The following ZNF66 variants were observed in gnomAD, a reference collection of about 807,000 sequenced individuals.
ZNF66 encodes the protein zinc finger protein 66, also known as putative zinc finger protein 66.
Under a neutral mutation model 35.2 loss-of-function variants are expected in ZNF66, and 32 were observed. That is an observed-to-expected ratio of 0.91 (90% CI 0.69 to 1.22). The LOEUF (loss-of-function observed/expected upper bound fraction) is 1.22, where lower values mean the gene tolerates loss of function less well. Ranked by LOEUF, ZNF66 falls within the 50% of genes most tolerant of loss-of-function variation. The pLI, the probability that ZNF66 is intolerant of heterozygous loss-of-function variation, is 0.00. For missense variants in ZNF66, 666 were observed against 543.1 expected (o/e 1.23, Z -2.25); for synonymous variants, 231 against 181.3 (o/e 1.27, Z -2.20).
intron 2 of ZNF66, 58 bp from the exon 3 acceptor site, chr19:20,793,725 C>G (rs1297084861): frequency 2.3e-5 from 15 of 638,538 alleles, no homozygotes; most frequent in Middle Eastern, 5.3e-4. Flanking sequence ...GAGCACATTA[C>G]TAGCTTGTAA....
intron 2 of ZNF66, 31 bp downstream of exon 2, chr19:20,792,669 T>C: frequency 1.8e-6 from 2 of 1,129,460 alleles, no homozygotes; most frequent in Non-Finnish European, 1.3e-6. Context: ...TAACTCATAA[T>C]ATACACAAAT....
intron 3 of ZNF66, among the ~76,000 whole-genome samples, chr19:20,805,126 T>TGTGTGAGA (rs752355466): frequency 3.4e-5 from 5 of 145,984 alleles, no homozygotes; most frequent in Non-Finnish European, 4.5e-5. Flanking sequence ...TGTGTGTGTG[T>TGTGTGAGA]GAGAGAGAGA....
chr19:20,806,872 C>G lies in ZNF66; in HGVS notation c.1272C>G (p.Pro424=), dbSNP rs558011260. 2 of 1,349,946 alleles carry G rather than the reference C, an allele frequency of 1.5e-6. No homozygotes were observed. Among genetic ancestry groups the G allele is most frequent in the South Asian group, 1.2e-5 (1 of 85,230 alleles). 83.6% of individuals were successfully genotyped at this position (1,349,946 alleles called of 1,614,324 possible). Residue 424 remains proline (P), a synonymous_variant, in exon 4 of 4, where the codon CCC becomes CCG. Transcript: ENST00000344519. The part of the protein sequence containing the change: ...KHKRIHTGEK[P]YKCEECGKAF... Reference sequence around the variant, plus strand: ...AGAGAATTCATACTGGAGAGAAACCCTACAAATGTGAAGAATGTGGCAAAG... The same window carrying G: ...AGAGAATTCATACTGGAGAGAAACCGTACAAATGTGAAGAATGTGGCAAAG...
rs375124761 is a variant in ZNF66 at position 20,808,475 on chromosome 19, G to A, written c.*1153G>A. On this transcript the variant is annotated 3_prime_UTR_variant, in exon 4 of 4. Transcript: ENST00000344519. ...GTAGGGGCAGACTGACACTTCACAC[G>A]GCTGGGTACTCCTCATATAAAACTT... Among the ~76,000 whole-genome samples, 4 of 152,122 alleles carry A rather than the reference G, an allele frequency of 2.6e-5. No homozygotes were observed.
chr19:20,799,423 T>C (rs1301211772), intron 3 of ZNF66: 1 of 152,078 alleles, frequency 6.6e-6, no homozygotes, highest in African/African-American at 2.4e-5. Flanking sequence ...TTTAAAATAA[T>C]GGCTGTGTCT....
At chr19:20,783,240 T>G (rs1255068971) in intron 1 of ZNF66, among the ~76,000 whole-genome samples, 1 of 152,112 alleles carries the variant, frequency 6.6e-6, no homozygotes, top group Admixed American at 6.6e-5. Context: ...TCTTTCTCTC[T>G]TCTCCTTTTT....
intron 3 of ZNF66, chr19:20,794,130 G>T: frequency 3.6e-6 from 2 of 557,794 alleles, no homozygotes; most frequent in South Asian, 1.9e-5. Flanking sequence ...CATTCACAGT[G>T]AGAGCCAAAG....
chr19:20,799,881 C>T (rs2144911276), intron 3 of ZNF66, among the ~76,000 whole-genome samples: 2 of 152,192 alleles, frequency 1.3e-5, no homozygotes, highest in East Asian at 3.9e-4. Context: ...TTTGTTGCCC[C>T]CTGAGCAAGA....
Position 20,806,670 on chromosome 19 carries a change from CTA to C in ZNF66, c.1071_1072del (p.Lys358ThrfsTer2). The C allele has an allele frequency of 1.3e-6, 2 of 1,510,314 alleles. No homozygotes were observed. The highest frequency in any genetic ancestry group is 1.8e-6 in the Non-Finnish European group (2 of 1,087,840). The allele number at this position is 1,510,314 out of a possible 1,614,324, so 93.6% of individuals were successfully genotyped here. A position where few individuals can be genotyped will look rare whatever the true frequency, so the allele number is the denominator to read the frequency against. ...GGCTTTAAGTACTCCTCTACCCTTA[CTA>C]AACATAAAATAATCCATACTGGAGA... On this transcript the variant is annotated frameshift_variant, in exon 4 of 4. Transcript: ENST00000344519. LOFTEE classifies it high-confidence loss of function.
chr19:20,794,520 G>A (rs11671855), intron 3 of ZNF66: 14,110 of 151,232 alleles, frequency 0.093, 670 homozygotes, highest in Middle Eastern at 0.11. Flanking sequence ...TATTGAGTCT[G>A]TAAATCACTT....
In ZNF66 at chr19:20,792,609, T is replaced by C; in HGVS notation, c.101T>C (p.Leu34Ser). 1 of 1,470,982 alleles carries C rather than the reference T, an allele frequency of 6.8e-7. No individual in the cohort carries two copies. Among genetic ancestry groups the C allele is most frequent in the Non-Finnish European group, 9.5e-7 (1 of 1,056,736 alleles). The allele number at this position is 1,470,982 out of a possible 1,614,324, so 91.1% of individuals were successfully genotyped here. A position where few individuals can be genotyped will look rare whatever the true frequency, so the allele number is the denominator to read the frequency against. ...CGGAATTTATATAGGGATGTGATGT[T>C]AGAGAACTACAGAAACCTGGTCTTT... ...AQRNLYRDVM[L>S]ENYRNLVFLG... is the part of the protein sequence containing the mutation. The change falls in exon 2 of 4, where the codon TTA (leucine) becomes TCA (serine). Residue 34 changes from leucine (L) to serine (S), a missense_variant. Coordinates refer to ENST00000344519, the MANE Select transcript of ZNF66 (RefSeq NM_001355197.2).
chr19:20,780,628 A>C (rs1250463386), intron 1 of ZNF66, among the ~76,000 whole-genome samples: 2 of 152,156 alleles, frequency 1.3e-5, no homozygotes, highest in Non-Finnish European at 2.9e-5. Flanking sequence ...ATGTTAGACA[A>C]TAAGTTGGTG....
chr19:20,776,364 A>G lies in ZNF66; in HGVS notation c.-84A>G. On this transcript the variant is annotated 5_prime_UTR_variant, in exon 1 of 4. Coordinates refer to ENST00000344519, the MANE Select transcript of ZNF66 (RefSeq NM_001355197.2). ...TCACTGCTCTCTGTCTTCTTCTCCT[A>G]GAGGCCCAGCCTCTGTGGCCCTGTG... is the stretch of plus-strand genomic sequence containing the variant. 2 of 1,508,522 alleles carry G rather than the reference A, an allele frequency of 1.3e-6. No individual in the cohort carries two copies. Among genetic ancestry groups the G allele is most frequent in the Non-Finnish European group, 1.8e-6 (2 of 1,086,562 alleles). 93.4% of individuals were successfully genotyped at this position (1,508,522 alleles called of 1,614,324 possible).
intron 1 of ZNF66, among the ~76,000 whole-genome samples, chr19:20,783,955 C>A (rs1412855652): frequency 2.6e-5 from 4 of 152,188 alleles, no homozygotes; most frequent in Non-Finnish European, 5.9e-5. Flanking sequence ...CTCCCAGATT[C>A]AAGTGATTCT....
In ZNF66 at chr19:20,809,663, A is replaced by G. The variant is rs1971568919; in HGVS notation, c.*2341A>G. On this transcript the variant is annotated 3_prime_UTR_variant, in exon 4 of 4. Coordinates refer to ENST00000344519, the MANE Select transcript of ZNF66 (RefSeq NM_001355197.2). ...TTTGTCACCACCAGGCCTGCCCTAA[A>G]AGAGCTCCTGAAGGAAGCACTAAAC... 2.6e-5 allele frequency among the ~76,000 whole-genome samples: 4 copies of G among 152,098 alleles called. No individual in the cohort carries two copies. The highest frequency in any genetic ancestry group is 2.6e-4 in the Admixed American group (4 of 15,254).
intron 1 of ZNF66, among the ~76,000 whole-genome samples, chr19:20,790,488 C>T (rs1971326559): frequency 6.9e-6 from 1 of 145,206 alleles, no homozygotes; most frequent in South Asian, 2.2e-4. Context: ...TTGCTGGTGT[C>T]TGTGGCAGGG....
intron 3 of ZNF66, among the ~76,000 whole-genome samples, chr19:20,803,136 A>G (rs76433197): frequency 3.5e-3 from 402 of 115,076 alleles, no homozygotes; most frequent in South Asian, 5.9e-3. Flanking sequence ...GACTCTTGTA[A>G]AAAGGCAAGT....
Position 20,806,380 on chromosome 19 carries a change from A to T in ZNF66, c.780A>T (p.Glu260Asp). 1 of 1,571,468 alleles carries T rather than the reference A, an allele frequency of 6.4e-7. No homozygotes were observed. Among genetic ancestry groups the T allele is most frequent in the Non-Finnish European group, 8.8e-7 (1 of 1,142,344 alleles). ...CTGGAGAGAAACCCTACAAATGTGAAGAATGTGGCAAGGCCTTTAAGCGCT... is the reference window on the plus strand; with the variant it reads ...CTGGAGAGAAACCCTACAAATGTGATGAATGTGGCAAGGCCTTTAAGCGCT... The part of the protein sequence containing the change: ...IHTGEKPYKC[E>D]ECGKAFKRSS... The change falls in exon 4 of 4, where the codon GAA becomes GAT. Residue 260 changes from glutamate (E) to aspartate (D), a missense_variant. Coordinates refer to ENST00000344519, the MANE Select transcript of ZNF66 (RefSeq NM_001355197.2).
chr19:20,788,648 C>T (rs1477842322), intron 1 of ZNF66, among the ~76,000 whole-genome samples: 1 of 152,014 alleles, frequency 6.6e-6, no homozygotes, highest in African/African-American at 2.4e-5. Context: ...TGTGATCTAC[C>T]CGCGTCATCC....
Sources: allele counts gnomAD v4.1 joint callset (sites outside exome capture counted in the v4.1 genomes callset), GRCh38; gene constraint gnomAD v4.1.1; transcripts MANE v1.5; gene names NCBI Gene and HGNC (gene_info 2026-07-23, HGNC 2026-07-21).